Variants in STARD3 observed in about 807,000 individuals in gnomAD.
STARD3 encodes the protein StAR related lipid transfer domain containing 3, also known as stAR-related lipid transfer protein 3.
STARD3 carries 39 observed loss-of-function variants against 62.0 expected under a neutral mutation model. The observed-to-expected ratio is 0.63, with a 90% CI of 0.49 to 0.82. STARD3 has a LOEUF of 0.82. Among genes scored for constraint, STARD3 ranks in the 40% least tolerant of loss-of-function variants. The pLI, the probability that STARD3 is intolerant of heterozygous loss-of-function variation, is 0.00. For synonymous variants in STARD3, 229 were observed against 242.4 expected, an observed-to-expected ratio of 0.94 and a Z score of 0.51; for missense variants, 543 against 584.5, an observed-to-expected ratio of 0.93 and a Z score of 0.73.
chr17:39,656,963 G>A, intron 2 of STARD3, 45 bp from the exon 3 acceptor site: 1 of 1,602,106 alleles, frequency 6.2e-7, no homozygotes, highest in Non-Finnish European at 8.6e-7. Flanking sequence ...GCAGCCCCAG[G>A]CCCTTGCTTC....
chr17:39,657,719 C>T, intron 3 of STARD3, 56 bp from the exon 4 acceptor site: 1 of 1,603,012 alleles, frequency 6.2e-7, no homozygotes, highest in Non-Finnish European at 8.5e-7. Context: ...GGTCAGCCTG[C>T]AGCAGGGTGG....
intron 13 of STARD3, 61 bp from the exon 14 acceptor site, chr17:39,662,190 C>T (rs1162457468): frequency 4.9e-5 from 72 of 1,471,068 alleles, no homozygotes; most frequent in Admixed American, 3.9e-4. Context: ...GTAGGGGCTG[C>T]GGGGGGGTGT....
intron 5 of STARD3, 52 bp from the exon 6 acceptor site, chr17:39,658,353 C>A: frequency 6.5e-7 from 1 of 1,540,648 alleles, no homozygotes; most frequent in South Asian, 1.1e-5. Context: ...CAGAAGGGGG[C>A]TCTGGGTTTG....
Position 39,653,648 on chromosome 17 carries a change from G to T in STARD3, c.117G>T (p.Pro39=), listed in dbSNP as rs753834884. ...SQSLSSHLLP[P]PEKRRAISDV... ...GCCTCTCCTCGCACCTCCTTCCGCC[G>T]CCTGAGAAGCGAAGGGCCATCTCTG... Residue 39 remains proline (P), a synonymous_variant, in exon 2 of 15, where the codon CCG becomes CCT. Transcript: ENST00000336308. 2.5e-6 allele frequency: 4 copies of T among 1,614,050 alleles called. No homozygotes were observed. Among genetic ancestry groups the T allele is most frequent in the South Asian group, 1.1e-5 (1 of 91,092 alleles).
intron 1 of STARD3, among the ~76,000 whole-genome samples, chr17:39,649,683 A>G (rs1286759546): frequency 6.6e-6 from 1 of 151,974 alleles, no homozygotes; most frequent in African/African-American, 2.4e-5. Flanking sequence ...CCTGGCCAAT[A>G]TGGTGAAACC....
At chr17:39,642,105 CAG>C (rs1198151444) in intron 1 of STARD3, among the ~76,000 whole-genome samples, 1 of 152,230 alleles carries the variant, frequency 6.6e-6, no homozygotes, top group Admixed American at 6.5e-5. Flanking sequence ...AATGAGGAAA[CAG>C]GGCGCCCAGG....
chr17:39,653,291 A>G (rs2057094336), intron 1 of STARD3, 190 bp from the exon 2 acceptor site: 3 of 587,568 alleles, frequency 5.1e-6, no homozygotes, highest in Non-Finnish European at 9.1e-6. Flanking sequence ...AGGACAGATA[A>G]TTAGCGGAAT....
chr17:39,644,599 G>A (rs1347687322), intron 1 of STARD3, among the ~76,000 whole-genome samples: 1 of 149,452 alleles, frequency 6.7e-6, no homozygotes, highest in Non-Finnish European at 1.5e-5. Context: ...ACTTTGGGAG[G>A]CCAAGGCGGG....
At position 39,660,976 on chromosome 17, in the gene STARD3, C is replaced by T. The variant is rs376868244; in HGVS notation, c.1035-5C>T. Reference sequence around the variant, plus strand: ...TGTCCCCTGAACTAACCCTCCCTCCCGCAGGGACTTCGTGAATGTCCGGCG... The same window carrying T: ...TGTCCCCTGAACTAACCCTCCCTCCTGCAGGGACTTCGTGAATGTCCGGCG... On this transcript the variant is annotated splice_region_variant and splice_polypyrimidine_tract_variant and intron_variant, in intron 12 of 14. Coordinates refer to ENST00000336308, the MANE Select transcript of STARD3 (RefSeq NM_006804.4). The surrounding 1 kb of genome is among the most constrained non-coding windows in gnomAD (Gnocchi z 4.8). 1.5e-5 allele frequency: 25 copies of T among 1,613,524 alleles called. No homozygotes were observed. The Admixed American group carries it at 2.2e-4, about 14-fold the overall frequency.
In STARD3 at chr17:39,662,875, A is replaced by G; in HGVS notation, c.1305A>G (p.Arg435=). 1 of 1,612,542 alleles carries G rather than the reference A, an allele frequency of 6.2e-7. No homozygotes were observed. Among genetic ancestry groups the G allele is most frequent in the Non-Finnish European group, 8.5e-7 (1 of 1,179,494 alleles). The change falls in exon 15 of 15, where the codon CGA becomes CGG. Residue 435 remains arginine, a synonymous_variant. Coordinates refer to ENST00000336308, the MANE Select transcript of STARD3 (RefSeq NM_006804.4). ...ATMFEFAFHL[R]QRISELGARA ...TGTTTGAATTTGCCTTTCACCTGCG[A>G]CAGCGCATCAGCGAGCTGGGGGCCC... is the stretch of plus-strand genomic sequence containing the variant.
chr17:39,647,081 C>A (rs2057033371), intron 1 of STARD3, among the ~76,000 whole-genome samples: 1 of 152,094 alleles, frequency 6.6e-6, no homozygotes, highest in African/African-American at 2.4e-5. Context: ...CACCTGTAGT[C>A]CCCTCTACTT....
intron 2 of STARD3, among the ~76,000 whole-genome samples, chr17:39,656,048 C>T (rs528698071): frequency 3.3e-5 from 5 of 151,838 alleles, no homozygotes; most frequent in South Asian, 2.1e-4. Context: ...GGGGCCTCAC[C>T]GGCAGCCAGA....
chr17:39,656,645 G>A (rs1434248643), intron 2 of STARD3, among the ~76,000 whole-genome samples: 1 of 152,184 alleles, frequency 6.6e-6, no homozygotes, highest in Non-Finnish European at 1.5e-5. Flanking sequence ...AGTGCTGGGA[G>A]GGAGATGGGA....
At chr17:39,645,055 G>C (rs1044136818) in intron 1 of STARD3, among the ~76,000 whole-genome samples, 2 of 152,198 alleles carry the variant, frequency 1.3e-5, no homozygotes, top group Admixed American at 6.5e-5. Context: ...GGAGGTGGGT[G>C]AGTGGGAGGC....
chr17:39,658,368 G>C, intron 5 of STARD3, 37 bp from the exon 6 acceptor site: 1 of 1,590,260 alleles, frequency 6.3e-7, no homozygotes, highest in African/African-American at 1.3e-5. Context: ...GGTTTGGGGT[G>C]ACCCCTGCCA....
At chr17:39,655,716 T>C (rs1259604202) in intron 2 of STARD3, among the ~76,000 whole-genome samples, 1 of 152,138 alleles carries the variant, frequency 6.6e-6, no homozygotes, top group Non-Finnish European at 1.5e-5. Context: ...AGTTTTACTT[T>C]TGTATTTGGG....
intron 8 of STARD3, among the ~76,000 whole-genome samples, 168 bp downstream of exon 8, chr17:39,659,274 C>T (rs1329185870): frequency 6.6e-6 from 1 of 152,220 alleles, no homozygotes; most frequent in East Asian, 1.9e-4. Context: ...TGGTCTGCCT[C>T]ATGCCTGGGC....
At position 39,664,150 on chromosome 17, in the gene STARD3, TGGGACTGATGTCACA is replaced by T. The variant is rs2057233486; in HGVS notation, c.*1246_*1260del. 1 of 152,344 alleles carries T rather than the reference TGGGACTGATGTCACA, an allele frequency of 6.6e-6. No homozygotes were observed. The allele number at this position is 152,344 out of a possible 1,614,324, so 9.4% of individuals were successfully genotyped here. A position where few individuals can be genotyped will look rare whatever the true frequency, so the allele number is the denominator to read the frequency against. ...GCTTCTGCTTCCCACTTTATGAAAA[TGGGACTGATGTCACA>T]GGGTTGTTATGAGATTAAAAGATAT... On this transcript the variant is annotated 3_prime_UTR_variant, in exon 15 of 15. Transcript: ENST00000336308.
At chr17:39,642,282 C>T (rs1174239675) in intron 1 of STARD3, among the ~76,000 whole-genome samples, 1 of 152,220 alleles carries the variant, frequency 6.6e-6, no homozygotes, top group East Asian at 1.9e-4. Flanking sequence ...TACGTCTTCT[C>T]CCTACAAGTC....
Sources: gnomAD v4.1 joint callset for allele counts (sites outside exome capture counted in the v4.1 genomes callset) on GRCh38, gnomAD v4.1.1 for gene constraint, Gnocchi (gnomAD v3.1) non-coding constraint, MANE v1.5 for transcripts, NCBI Gene and HGNC (gene_info 2026-07-23, HGNC 2026-07-21) for gene names.